YAE1: variants seen among roughly 807,000 people sequenced by gnomAD.
YAE1 encodes the protein protein YAE1 homolog.
Under a neutral mutation model 23.0 loss-of-function variants are expected in YAE1, and 22 were observed. The ratio of observed to expected loss-of-function variants is 0.96; its 90% confidence interval spans 0.68 to 1.37. The LOEUF is 1.37. YAE1 is among the 40% of genes most tolerant of loss of function. YAE1 has a pLI of 0.00. For missense variants in YAE1, 260 were observed against 262.1 expected, an observed-to-expected ratio of 0.99 and a Z score of 0.06; for synonymous variants, 101 against 97.0, an observed-to-expected ratio of 1.04 and a Z score of -0.24.
intron 2 of YAE1, among the ~76,000 whole-genome samples, chr7:39,579,035 C>G (rs1006658953): frequency 6.6e-6 from 1 of 152,184 alleles, no homozygotes; most frequent in African/African-American, 2.4e-5. Flanking sequence ...TAGCAGGATC[C>G]CTGGTGCATA....
intron 2 of YAE1, among the ~76,000 whole-genome samples, chr7:39,593,177 C>CTTTTTTGTTTTTTTTTTTT (rs1790925219): frequency 2.8e-5 from 2 of 72,112 alleles, no homozygotes; most frequent in African/African-American, 5.8e-5. Context: ...TTGGTTATTT[C>CTTTTTTGTTTTTTTTTTTT]TTTTTTTTTT....
downstream of YAE1, among the ~76,000 whole-genome samples, chr7:39,577,065 T>C (rs1020322551): frequency 6.6e-6 from 1 of 152,092 alleles, no homozygotes; most frequent in African/African-American, 2.4e-5. Context: ...CAGCTAATTT[T>C]TTGTATTTTT....
intron 2 of YAE1, among the ~76,000 whole-genome samples, chr7:39,592,397 G>A (rs981711403): frequency 2.0e-5 from 3 of 152,032 alleles, no homozygotes; most frequent in South Asian, 2.1e-4. Flanking sequence ...TTTCCTTAGG[G>A]ATATTTTTGC....
chr7:39,606,388 GT>G (rs1791130373), intron 2 of YAE1, among the ~76,000 whole-genome samples: 1 of 152,208 alleles, frequency 6.6e-6, no homozygotes, highest in South Asian at 2.1e-4. Flanking sequence ...CCTACGTGTA[GT>G]TAAATTTTTA....
At chr7:39,577,422 C>T (rs1271259644), downstream of YAE1, among the ~76,000 whole-genome samples, 1 of 152,158 alleles carries the variant, frequency 6.6e-6, no homozygotes, top group Non-Finnish European at 1.5e-5. Flanking sequence ...CCGGCTCCCT[C>T]CCCTCCCAGG....
intron 2 of YAE1, among the ~76,000 whole-genome samples, chr7:39,599,797 C>T (rs965760769): frequency 6.6e-6 from 1 of 151,382 alleles, no homozygotes; most frequent in Non-Finnish European, 1.5e-5. Context: ...GCATGTTGGC[C>T]AGGCTGGTCT....
intron 2 of YAE1, among the ~76,000 whole-genome samples, chr7:39,586,144 T>C (rs1445583143): frequency 6.6e-6 from 1 of 151,750 alleles, no homozygotes; most frequent in Non-Finnish European, 1.5e-5. Context: ...TCAGTAATGA[T>C]AACTACCACC....
downstream of YAE1, among the ~76,000 whole-genome samples, chr7:39,577,276 G>A (rs1048931852): frequency 1.3e-5 from 2 of 152,272 alleles, no homozygotes; most frequent in African/African-American, 4.8e-5. Context: ...GTCATTGAGA[G>A]GTGACGAAGT....
intron 2 of YAE1, among the ~76,000 whole-genome samples, chr7:39,588,983 C>T (rs980191938): frequency 1.3e-5 from 2 of 151,828 alleles, no homozygotes; most frequent in African/African-American, 2.4e-5. Context: ...TTACCACACC[C>T]GGATTATTTT....
chr7:39,603,563 A>C (rs1003628073), intron 2 of YAE1, among the ~76,000 whole-genome samples: 1 of 152,230 alleles, frequency 6.6e-6, no homozygotes, highest in Non-Finnish European at 1.5e-5. Context: ...ATTAGCCTGG[A>C]GAATGAAACC....
downstream of YAE1, among the ~76,000 whole-genome samples, chr7:39,574,856 G>A (rs902615723): frequency 2.0e-5 from 3 of 151,982 alleles, no homozygotes; most frequent in East Asian, 5.8e-4. Context: ...AGTGAGATAA[G>A]ATCACCCCAC....
intron 2 of YAE1, among the ~76,000 whole-genome samples, chr7:39,607,870 T>C (rs750600793): frequency 2.0e-5 from 3 of 152,188 alleles, no homozygotes; most frequent in Non-Finnish European, 2.9e-5. Flanking sequence ...GGTTTTACCA[T>C]GTTCACCAGG....
downstream of YAE1, among the ~76,000 whole-genome samples, chr7:39,574,729 T>G (rs1790626834): frequency 8.6e-6 from 1 of 115,798 alleles, no homozygotes; most frequent in Non-Finnish European, 1.7e-5. Context: ...CAAGACTCTG[T>G]CTCCAAAAAA....
intron 2 of YAE1, among the ~76,000 whole-genome samples, chr7:39,578,371 AGCAGGCTGCCCAAGGGTCTAGTT>A (rs1317491567): frequency 1.7e-4 from 26 of 152,184 alleles, no homozygotes; most frequent in Non-Finnish European, 3.1e-4. Flanking sequence ...AGGGAATAAA[AGCAGGCTGCCCAAGGGTCTAGTT>A]GCAGGCTGCC....
chr7:39,571,276 CTTTTTTT>C lies in YAE1; in HGVS notation c.251+659_251+665del, dbSNP rs58497539. On this transcript the variant is annotated intron_variant, in intron 2 of 2. Coordinates refer to ENST00000223273, the MANE Select transcript of YAE1 (RefSeq NM_020192.5). Reference sequence around the variant, plus strand: ...TTTTTCATGATATTTTTTCTTTTTTCTTTTTTTTTTTTTTTTAACTCATCAGCTATCA... The same window carrying C: ...TTTTTCATGATATTTTTTCTTTTTTCTTTTTTTTTAACTCATCAGCTATCA... Among the ~76,000 whole-genome samples the C allele has an allele frequency of 2.9e-5, 4 of 135,970 alleles. No homozygotes were observed. In the Admixed American group the frequency reaches 3.0e-4, roughly 10 times the overall value. 89.2% of individuals were successfully genotyped at this position (135,970 alleles called of 152,430 possible).
intron 2 of YAE1, among the ~76,000 whole-genome samples, chr7:39,601,651 C>T (rs552315633): frequency 2.0e-5 from 3 of 150,866 alleles, no homozygotes; most frequent in Non-Finnish European, 2.9e-5. Flanking sequence ...TCCAGCTGCT[C>T]GGGAGGCTGA....
chr7:39,577,798 G>A (rs1432112291), downstream of YAE1, among the ~76,000 whole-genome samples: 1 of 152,246 alleles, frequency 6.6e-6, no homozygotes, highest in African/African-American at 2.4e-5. Context: ...CACGGTGCGG[G>A]ACTGGGAGGC....
downstream of YAE1, among the ~76,000 whole-genome samples, chr7:39,575,431 G>A (rs1445158827): frequency 6.6e-6 from 1 of 151,800 alleles, no homozygotes; most frequent in East Asian, 1.9e-4. Context: ...CTGCTTTGTG[G>A]GAAACCAAAA....
At chr7:39,591,670 C>CATT (rs1296605134) in intron 2 of YAE1, among the ~76,000 whole-genome samples, 1 of 151,130 alleles carries the variant, frequency 6.6e-6, no homozygotes, top group Non-Finnish European at 1.5e-5. Flanking sequence ...ACCAAACTTA[C>CATT]ATTGATACGT....
Sources: gnomAD v4.1 joint callset for allele counts (sites outside exome capture counted in the v4.1 genomes callset) on GRCh38, gnomAD v4.1.1 for gene constraint, MANE v1.5 for transcripts, NCBI Gene and HGNC (gene_info 2026-07-23, HGNC 2026-07-21) for gene names.